ANKRD12: variants seen among roughly 807,000 people sequenced by gnomAD.
ANKRD12 encodes ankyrin repeat domain-containing protein 12.
Under a neutral mutation model 183.4 loss-of-function variants are expected in ANKRD12, and 85 were observed. The ratio of observed to expected loss-of-function variants is 0.46; its 90% CI spans 0.39 to 0.56. The LOEUF is 0.56. ANKRD12 is among the 20% of genes least tolerant of loss of function. The probability of loss-of-function intolerance (pLI) is 0.00; values close to 1 mark genes in which losing one functional copy is unlikely to be tolerated. For missense variants in ANKRD12, 2,405 were observed against 2,357.1 expected (o/e 1.02, Z -0.42); for synonymous variants, 914 against 800.2 (o/e 1.14, Z -2.40).
chr18:9,174,832 A>G (rs1853872952), intron 1 of ANKRD12, among the ~76,000 whole-genome samples: 2 of 123,980 alleles, frequency 1.6e-5, no homozygotes, highest in South Asian at 6.9e-4. Flanking sequence ...TACAGGTGGA[A>G]ACTGAGGAAT....
At chr18:9,251,251 G>T (rs950416305) in intron 8 of ANKRD12, among the ~76,000 whole-genome samples, 2 of 151,978 alleles carry the variant, frequency 1.3e-5, no homozygotes, top group African/African-American at 2.4e-5. Context: ...TTATCTCCCC[G>T]CATCAGCCAC....
chr18:9,245,696 A>G (rs1465878426), intron 8 of ANKRD12, among the ~76,000 whole-genome samples: 4 of 152,220 alleles, frequency 2.6e-5, no homozygotes, highest in Non-Finnish European at 4.4e-5. Flanking sequence ...TTTAAAACTC[A>G]TAAACACTTA....
At chr18:9,230,054 C>T (rs117666675) in intron 8 of ANKRD12, among the ~76,000 whole-genome samples, 1,813 of 152,188 alleles carry the variant, frequency 0.012, 15 homozygotes, top group Non-Finnish European at 0.019. Context: ...GTTAGTTCTT[C>T]TTTGTACTAA....
chr18:9,240,784 A>T (rs1171313359), intron 8 of ANKRD12, among the ~76,000 whole-genome samples: 4 of 152,198 alleles, frequency 2.6e-5, no homozygotes, highest in African/African-American at 9.6e-5. Context: ...CTGAAGACAG[A>T]TTAGGAGACT....
intron 2 of ANKRD12, among the ~76,000 whole-genome samples, chr18:9,190,890 C>T (rs561358679): frequency 6.6e-6 from 1 of 152,222 alleles, no homozygotes; most frequent in African/African-American, 2.4e-5. Context: ...CTTGTTTTGT[C>T]ATTATAATTG....
At chr18:9,223,556 A>G (rs1358603702) in intron 8 of ANKRD12, among the ~76,000 whole-genome samples, 3 of 152,226 alleles carry the variant, frequency 2.0e-5, no homozygotes, top group Non-Finnish European at 4.4e-5. Context: ...GTGCATGACA[A>G]AAGATAATTT....
chr18:9,256,556 A>C lies in ANKRD12; in HGVS notation c.3289A>C (p.Lys1097Gln). Residue 1097 changes from lysine to glutamine, a missense_variant, in exon 9 of 13, where the codon AAA becomes CAA. Physicochemically the swap from Lys to Gln is moderately conservative, Grantham distance 53. This residue lies in a region of ANKRD12 where 1,983 missense variants were observed against 1,725.9 expected (regional missense o/e 1.15). Coordinates refer to ENST00000262126, the MANE Select transcript of ANKRD12 (RefSeq NM_015208.5). Reference protein sequence around the residue: ...KDLEIEQWHKKHKEKIKQKEK... With the variant: ...KDLEIEQWHKQHKEKIKQKEK... ...CCTAGAAATAGAACAGTGGCACAAAAAACATAAGGAAAAAATTAAGCAAAA... is the reference window on the plus strand; with the variant it reads ...CCTAGAAATAGAACAGTGGCACAAACAACATAAGGAAAAAATTAAGCAAAA... 1 of 1,597,082 alleles carries C rather than the reference A, an allele frequency of 6.3e-7. No individual in the cohort carries two copies. Among genetic ancestry groups the C allele is most frequent in the East Asian group, 2.2e-5 (1 of 44,792 alleles).
At chr18:9,260,252 T>A (rs983073566) in intron 9 of ANKRD12, 6 of 152,114 alleles carry the variant, frequency 3.9e-5, no homozygotes, top group African/African-American at 1.4e-4. Context: ...CCATTAGAAA[T>A]TATAAAGTGG....
At chr18:9,209,298 G>A (rs1465759681) in intron 5 of ANKRD12, among the ~76,000 whole-genome samples, 5 of 152,198 alleles carry the variant, frequency 3.3e-5, no homozygotes, top group African/African-American at 1.2e-4. Flanking sequence ...GCCTGAGATA[G>A]TTATTACTAT....
chr18:9,220,762 C>T (rs938810418), intron 7 of ANKRD12, among the ~76,000 whole-genome samples: 5 of 152,072 alleles, frequency 3.3e-5, no homozygotes, highest in Non-Finnish European at 5.9e-5. Context: ...ATGGATGGAT[C>T]GCATAATTGT....
At chr18:9,213,963 A>G (rs989059030) in intron 6 of ANKRD12, among the ~76,000 whole-genome samples, 4 of 152,026 alleles carry the variant, frequency 2.6e-5, no homozygotes, top group Non-Finnish European at 5.9e-5. Flanking sequence ...TATCAAGCTT[A>G]TATTTATTGG....
intron 9 of ANKRD12, 67 bp downstream of exon 9, chr18:9,258,998 T>TA (rs1167494120): frequency 1.0e-5 from 15 of 1,466,654 alleles, no homozygotes; most frequent in Admixed American, 5.0e-5. Context: ...GCTAGCCACA[T>TA]ACGTAATTTG....
intron 1 of ANKRD12, among the ~76,000 whole-genome samples, chr18:9,156,919 A>G (rs1285798672): frequency 6.6e-6 from 1 of 152,236 alleles, no homozygotes; most frequent in Non-Finnish European, 1.5e-5. Context: ...CACTTGCACG[A>G]AGTGCCTAGA....
At chr18:9,137,366 T>TGGCGG (rs2078144732) in intron 1 of ANKRD12, among the ~76,000 whole-genome samples, 2 of 146,420 alleles carry the variant, frequency 1.4e-5, no homozygotes, top group East Asian at 2.0e-4. Context: ...TCACCGCGGC[T>TGGCGG]GGCGGGGCTG....
chr18:9,211,857 C>T, intron 6 of ANKRD12, 73 bp downstream of exon 6: 2 of 1,270,106 alleles, frequency 1.6e-6, no homozygotes, highest in Non-Finnish European at 2.2e-6. Context: ...ATTTAATCTA[C>T]ATTCTTTTAT....
chr18:9,216,680 C>T, intron 6 of ANKRD12, 78 bp from the exon 7 acceptor site: 2 of 1,399,576 alleles, frequency 1.4e-6, no homozygotes, highest in Non-Finnish European at 9.7e-7. Flanking sequence ...TTATATGTCA[C>T]ACATTGGTAT....
In ANKRD12 at chr18:9,211,669, T is replaced by C. The variant is rs199693694; in HGVS notation, c.537T>C (p.Asn179=). 5.0e-6 allele frequency: 8 copies of C among 1,613,828 alleles called. No individual in the cohort carries two copies. In the African/African-American group the frequency reaches 1.1e-4, roughly 22 times the overall value. ...SSSSRQKDKV[N]KRNERGETPL... ...CATCTCGACAGAAAGATAAAGTTAA[T>C]AAAAGAAATGAACGTGGTGAAACTC... Residue 179 remains asparagine, a synonymous_variant, in exon 6 of 13, where the codon AAT becomes AAC. Coordinates refer to ENST00000262126, the MANE Select transcript of ANKRD12 (RefSeq NM_015208.5).
intron 8 of ANKRD12, 126 bp from the exon 9 acceptor site, chr18:9,254,085 G>C: frequency 3.7e-6 from 4 of 1,085,324 alleles, no homozygotes; most frequent in Non-Finnish European, 3.6e-6. Context: ...ATATAAATCT[G>C]AAGTGATTAT....
In ANKRD12 at chr18:9,282,704, ATGAAG is replaced by A. The variant is rs990713961; in HGVS notation, c.*1582_*1586del. On this transcript the variant is annotated 3_prime_UTR_variant, in exon 13 of 13. Coordinates refer to ENST00000262126, the MANE Select transcript of ANKRD12 (RefSeq NM_015208.5). ...GAAAAGTGAAGCAAATATGTGAGGAATGAAGTGATCTAGTGCAAGTTGGTAATTCC... is the reference window on the plus strand; with the variant it reads ...GAAAAGTGAAGCAAATATGTGAGGAATGATCTAGTGCAAGTTGGTAATTCC... 1.3e-5 allele frequency: 2 copies of A among 152,624 alleles called. No homozygotes were observed. Among genetic ancestry groups the A allele is most frequent in the Non-Finnish European group, 2.9e-5 (2 of 68,008 alleles). 9.5% of individuals were successfully genotyped at this position (152,624 alleles called of 1,614,324 possible).
Sources: allele counts gnomAD v4.1 joint callset (sites outside exome capture counted in the v4.1 genomes callset), GRCh38; gene constraint gnomAD v4.1.1; regional missense constraint gnomAD v4.1.1; transcripts MANE v1.5; gene names NCBI Gene and HGNC (gene_info 2026-07-23, HGNC 2026-07-21).